The following MN1 variants were observed in gnomAD, a reference collection of about 807,000 sequenced individuals.
MN1 encodes transcriptional activator MN1.
In MN1, 19 loss-of-function variants were observed where a neutral mutation model predicts 86.9. The ratio of observed to expected loss-of-function variants is 0.22; its 90% CI spans 0.15 to 0.32. MN1 has a LOEUF of 0.32. Among genes scored for constraint, MN1 ranks in the 10% least tolerant of loss-of-function variants. MN1 has a pLI of 1.00. For missense variants in MN1, 1,841 were observed against 1,862.0 expected, an observed-to-expected ratio of 0.99 and a Z score of 0.21; for synonymous variants, 928 against 849.6, an observed-to-expected ratio of 1.09 and a Z score of -1.60.
intron 1 of MN1, among the ~76,000 whole-genome samples, chr22:27,774,369 T>G (rs888708025): frequency 7.9e-5 from 12 of 152,222 alleles, no homozygotes; most frequent in African/African-American, 2.6e-4. Context: ...TCCCACCAAC[T>G]GAAGAAGCTG....
intron 1 of MN1, among the ~76,000 whole-genome samples, chr22:27,783,011 A>G (rs1291227860): frequency 1.3e-5 from 2 of 152,080 alleles, no homozygotes; most frequent in African/African-American, 4.8e-5. Context: ...CTGACAGGCT[A>G]TGGTGCTACT....
chr22:27,750,722 C>T lies in MN1; in HGVS notation c.*193G>A, dbSNP rs992280372. On this transcript the variant is annotated 3_prime_UTR_variant, in exon 2 of 2. Transcript: ENST00000302326. ...CTTTTTTAAAAAAACTTTTGAGGTT[C>T]CCCCCCTTTAAATTAACCCTTTCCG... is the stretch of plus-strand genomic sequence containing the variant. The T allele has an allele frequency of 2.0e-5, 9 of 440,988 alleles. No homozygotes were observed. The highest frequency in any genetic ancestry group is 7.0e-5 in the South Asian group (1 of 14,308). The allele number at this position is 440,988 out of a possible 1,614,324, so 27.3% of individuals were successfully genotyped here. A position where few individuals can be genotyped will look rare whatever the true frequency, so the allele number is the denominator to read the frequency against.
In MN1 at chr22:27,798,677, G is replaced by T. The variant is rs780418398; in HGVS notation, c.1867C>A (p.Pro623Thr). ...CACGCGCTCTCTTGCGCCAAGTGCG[G>T]CGCCTGCTGCTCGAAGGTGCCCAGA... ...GRLGTFEQQA[P>T]HLAQESAWFS... The change falls in exon 1 of 2, where the codon CCG becomes ACG. Residue 623 changes from proline to threonine, a missense_variant. Transcript: ENST00000302326. 17 of 1,542,390 alleles carry T rather than the reference G, an allele frequency of 1.1e-5. No individual in the cohort carries two copies. The South Asian group carries it at 2.0e-4, about 18-fold the overall frequency.
At position 27,797,673 on chromosome 22, in the gene MN1, G is replaced by A. The variant is rs758664098; in HGVS notation, c.2871C>T (p.Thr957=). Reference sequence around the variant, plus strand: ...GAGCCGCCGAGTACTTGTCAAAGAAGGTGCCAGGGCTCACGTGACCACTGT... The same window carrying A: ...GAGCCGCCGAGTACTTGTCAAAGAAAGTGCCAGGGCTCACGTGACCACTGT... ...KRDSGHVSPG[T]FFDKYSAAPD... The change falls in exon 1 of 2, where the codon ACC becomes ACT. Residue 957 remains threonine (T), a synonymous_variant. Coordinates refer to ENST00000302326, the MANE Select transcript of MN1 (RefSeq NM_002430.3). 33 of 1,606,080 alleles carry A rather than the reference G, an allele frequency of 2.1e-5. No individual in the cohort carries two copies. The highest frequency in any genetic ancestry group is 1.9e-4 in the South Asian group (17 of 90,032).
intron 1 of MN1, among the ~76,000 whole-genome samples, chr22:27,766,912 A>G (rs1201964780): frequency 1.3e-5 from 2 of 152,118 alleles, no homozygotes; most frequent in Non-Finnish European, 2.9e-5. Context: ...CTCTTCCTGG[A>G]CCACCACTTT....
chr22:27,789,508 A>T (rs566769402), intron 1 of MN1, among the ~76,000 whole-genome samples: 1 of 152,296 alleles, frequency 6.6e-6, no homozygotes, highest in African/African-American at 2.4e-5. Flanking sequence ...GATCCTATAA[A>T]CTCCAGGGGA....
Position 27,799,059 on chromosome 22 carries a change from G to C in MN1, c.1485C>G (p.Pro495=), listed in dbSNP as rs1447245018. ...HLSPSAYPGL[P]GEFTPPVPDS... is the part of the protein sequence containing the mutation. ...CGGGCACAGGCGGTGTGAACTCGCC[G>C]GGTAGGCCTGGGTAGGCGGAAGGGG... The change falls in exon 1 of 2, where the codon CCC becomes CCG. Residue 495 remains proline (P), a synonymous_variant. Coordinates refer to ENST00000302326, the MANE Select transcript of MN1 (RefSeq NM_002430.3). The C allele has an allele frequency of 1.9e-6, 3 of 1,609,576 alleles. No homozygotes were observed. The highest frequency in any genetic ancestry group is 3.3e-4 in the Middle Eastern group (2 of 6,050).
chr22:27,777,522 G>C (rs969933198), intron 1 of MN1, among the ~76,000 whole-genome samples: 3 of 123,232 alleles, frequency 2.4e-5, no homozygotes, highest in Non-Finnish European at 4.9e-5. Context: ...GACAGAGCTA[G>C]ACCTTGTTTC....
At position 27,799,471 on chromosome 22, in the gene MN1, T is replaced by G. The variant is rs868192034; in HGVS notation, c.1073A>C (p.Gln358Pro). Residue 358 changes from glutamine to proline, a missense_variant, in exon 1 of 2, where the codon CAG (glutamine) becomes CCG (proline). Coordinates refer to ENST00000302326, the MANE Select transcript of MN1 (RefSeq NM_002430.3). ...CCCGGGTGGCGGCGGCGGCTGCTGC[T>G]GTGGCGGCTGCTGCGGGGGCTGCTG... is the stretch of plus-strand genomic sequence containing the variant. The part of the protein sequence containing the change: ...PQQQPPQQPP[Q>P]QQPPPPPGLL... 4 of 1,454,474 alleles carry G rather than the reference T, an allele frequency of 2.8e-6. No homozygotes were observed. The highest frequency in any genetic ancestry group is 3.6e-6 in the Non-Finnish European group (4 of 1,105,070). 90.1% of individuals were successfully genotyped at this position (1,454,474 alleles called of 1,614,324 possible). A position where few individuals can be genotyped will look rare whatever the true frequency, so the allele number is the denominator to read the frequency against.
Position 27,797,424 on chromosome 22 carries a change from GT to G in MN1, c.3119del (p.Asn1040ThrfsTer10). 6.2e-7 allele frequency: 1 copy of G among 1,610,772 alleles called. No individual in the cohort carries two copies. The highest frequency in any genetic ancestry group is 8.5e-7 in the Non-Finnish European group (1 of 1,179,028). ...GGAKSDSSSPNVGEFASDEVS... is the reference protein window; with the variant it reads ...GGAKSDSSSPXVGEFASDEVS... ...CCTCGTCCGAGGCGAACTCACCCAC[GT>G]TTGGCGAACTACTGTCCGACTTGGC... is the stretch of plus-strand genomic sequence containing the variant. On this transcript the variant is annotated frameshift_variant, in exon 1 of 2. Transcript: ENST00000302326. LOFTEE classifies it high-confidence loss of function.
At chr22:27,780,539 T>G (rs1218314781) in intron 1 of MN1, among the ~76,000 whole-genome samples, 1 of 152,176 alleles carries the variant, frequency 6.6e-6, no homozygotes, top group Non-Finnish European at 1.5e-5. Flanking sequence ...CAGCAGATGC[T>G]GCATATCAGA....
Position 27,749,435 on chromosome 22 carries a change from G to A in MN1, c.*1480C>T, listed in dbSNP as rs1421125265. 8.6e-6 allele frequency: 2 copies of A among 231,780 alleles called. No individual in the cohort carries two copies. Among genetic ancestry groups the A allele is most frequent in the Non-Finnish European group, 1.7e-5 (2 of 117,208 alleles). 14.4% of individuals were successfully genotyped at this position (231,780 alleles called of 1,614,324 possible). A position where few individuals can be genotyped will look rare whatever the true frequency, so the allele number is the denominator to read the frequency against. On this transcript the variant is annotated 3_prime_UTR_variant, in exon 2 of 2. Coordinates refer to ENST00000302326, the MANE Select transcript of MN1 (RefSeq NM_002430.3). ...TCACGGTTATATATTTGGGTGAAGT[G>A]ATATCAGTTACTTCCTGTCTAACCC...
At chr22:27,782,930 T>C (rs1465527614) in intron 1 of MN1, among the ~76,000 whole-genome samples, 1 of 152,100 alleles carries the variant, frequency 6.6e-6, no homozygotes, top group Non-Finnish European at 1.5e-5. Context: ...CTGGGAGCAG[T>C]GAAGTGGCTT....
Position 27,799,271 on chromosome 22 carries a change from G to T in MN1, c.1273C>A (p.Pro425Thr). The T allele has an allele frequency of 1.3e-6, 2 of 1,582,982 alleles. No individual in the cohort carries two copies. Among genetic ancestry groups the T allele is most frequent in the Non-Finnish European group, 1.7e-6 (2 of 1,163,420 alleles). ...GGAGGATGCTGCATGCTGAAAACAG[G>T]CTCGGAATAAGGGTGCATGCTCCGG... ...ENRSMHPYSE[P>T]VFSMQHPPPQ... is the part of the protein sequence containing the mutation. Residue 425 changes from proline (P) to threonine (T), a missense_variant, in exon 1 of 2, where the codon CCT becomes ACT. Pro to Thr is a conservative substitution (Grantham distance 38, BLOSUM62 -1). Coordinates refer to ENST00000302326, the MANE Select transcript of MN1 (RefSeq NM_002430.3).
At chr22:27,783,269 G>A (rs956132847) in intron 1 of MN1, among the ~76,000 whole-genome samples, 1 of 151,794 alleles carries the variant, frequency 6.6e-6, no homozygotes, top group Non-Finnish European at 1.5e-5. Flanking sequence ...TGAGTAGCTG[G>A]GATTACAGAC....
chr22:27,761,511 A>T (rs1298075462), intron 1 of MN1, among the ~76,000 whole-genome samples: 1 of 151,338 alleles, frequency 6.6e-6, no homozygotes, highest in Non-Finnish European at 1.5e-5. Context: ...AAAACCGGAC[A>T]GCCCCCGCCC....
chr22:27,776,821 G>C (rs1314072065), intron 1 of MN1, among the ~76,000 whole-genome samples: 1 of 152,104 alleles, frequency 6.6e-6, no homozygotes, highest in Non-Finnish European at 1.5e-5. Context: ...AATGGTTTTT[G>C]TTTTTGGCAA....
chr22:27,756,966 G>GC (rs745970529), intron 1 of MN1, among the ~76,000 whole-genome samples: 113 of 152,186 alleles, frequency 7.4e-4, no homozygotes, highest in Non-Finnish European at 1.4e-3. Flanking sequence ...TCACTATGTT[G>GC]CCAAGCCTAG....
chr22:27,796,573 AGT>A (rs1366946809), intron 1 of MN1, among the ~76,000 whole-genome samples, 188 bp downstream of exon 1: 1 of 57,736 alleles, frequency 1.7e-5, no homozygotes, highest in Non-Finnish European at 3.4e-5. Flanking sequence ...GCTTGGGGGC[AGT>A]GTGTGTGGGG....
Sources: gnomAD v4.1 joint callset for allele counts (sites outside exome capture counted in the v4.1 genomes callset) on GRCh38, gnomAD v4.1.1 for gene constraint, MANE v1.5 for transcripts, NCBI Gene and HGNC (gene_info 2026-07-23, HGNC 2026-07-21) for gene names.